The following SYT1 variants were observed in gnomAD, a reference collection of about 807,000 sequenced individuals.
The protein encoded by SYT1 is synaptotagmin 1, also known as synaptotagmin-1.
Under a neutral mutation model 44.8 loss-of-function variants are expected in SYT1, and 8 were observed. The ratio of observed to expected loss-of-function variants is 0.18; its 90% CI spans 0.10 to 0.32. The LOEUF (loss-of-function observed/expected upper bound fraction) is 0.32. Among genes scored for constraint, SYT1 ranks in the 10% least tolerant of loss-of-function variants. SYT1 has a pLI of 1.00. For synonymous variants in SYT1, 154 were observed against 188.8 expected, an observed-to-expected ratio of 0.82 and a Z score of 1.51; for missense variants, 286 against 509.3, an observed-to-expected ratio of 0.56 and a Z score of 4.22.
At chr12:79,118,531 A>T (rs191408344) in intron 3 of SYT1, among the ~76,000 whole-genome samples, 238 of 152,364 alleles carry the variant, frequency 1.6e-3, no homozygotes, top group Admixed American at 3.3e-3. Context: ...AAATGACAGT[A>T]ATCAAGTTTA....
At chr12:79,181,521 C>G (rs1287819383) in intron 3 of SYT1, among the ~76,000 whole-genome samples, 2 of 151,414 alleles carry the variant, frequency 1.3e-5, no homozygotes, top group East Asian at 3.9e-4. Flanking sequence ...TTTTTTCTTC[C>G]AGGGCCCCCA....
chr12:78,935,907 C>T (rs1250125634), intron 1 of SYT1, among the ~76,000 whole-genome samples: 1 of 152,054 alleles, frequency 6.6e-6, no homozygotes, highest in African/African-American at 2.4e-5. Flanking sequence ...AGAGTAAGCA[C>T]AGCTTGATCA....
chr12:79,137,083 T>C (rs182679514), intron 3 of SYT1, among the ~76,000 whole-genome samples: 274 of 152,010 alleles, frequency 1.8e-3, no homozygotes, highest in African/African-American at 6.3e-3. Flanking sequence ...CCAAATACTA[T>C]ACTTGGAACT....
At chr12:79,139,971 G>T (rs951679481) in intron 3 of SYT1, among the ~76,000 whole-genome samples, 1 of 152,144 alleles carries the variant, frequency 6.6e-6, no homozygotes, top group Non-Finnish European at 1.5e-5. Context: ...CCTATAGAAA[G>T]TCCCTGATTT....
chr12:79,202,414 C>T (rs920340699), intron 3 of SYT1, among the ~76,000 whole-genome samples: 7 of 152,102 alleles, frequency 4.6e-5, no homozygotes, highest in African/African-American at 7.2e-5. Flanking sequence ...TTTGTCAAGA[C>T]GAAGGAAAGA....
chr12:78,974,033 A>C (rs1414029935), intron 1 of SYT1, among the ~76,000 whole-genome samples: 14 of 131,856 alleles, frequency 1.1e-4, no homozygotes, highest in African/African-American at 3.4e-4. Flanking sequence ...GAAATGCATC[A>C]TTAGGCATTT....
chr12:79,093,350 A>G (rs1377019678), intron 3 of SYT1, among the ~76,000 whole-genome samples: 1 of 151,798 alleles, frequency 6.6e-6, no homozygotes, highest in Non-Finnish European at 1.5e-5. Flanking sequence ...TAAAGACTTC[A>G]AAATAAAATG....
At chr12:79,046,573 G>T (rs1874076621) in intron 2 of SYT1, 1 of 151,922 alleles carries the variant, frequency 6.6e-6, no homozygotes, top group African/African-American at 2.4e-5. Flanking sequence ...CTTGAGAAGG[G>T]TTTAATTTTT....
intron 3 of SYT1, among the ~76,000 whole-genome samples, chr12:79,213,575 G>A (rs1330449869): frequency 6.6e-6 from 1 of 152,182 alleles, no homozygotes; most frequent in Admixed American, 6.5e-5. Flanking sequence ...ATTTTTTAAA[G>A]ACTGAGTAGA....
intron 9 of SYT1, among the ~76,000 whole-genome samples, chr12:79,365,102 CAG>C (rs1281340828): frequency 1.3e-5 from 2 of 152,084 alleles, no homozygotes; most frequent in African/African-American, 4.8e-5. Flanking sequence ...TCCCATTCCT[CAG>C]AGTTAATTGA....
chr12:79,149,147 C>T (rs1334765881), intron 3 of SYT1, among the ~76,000 whole-genome samples: 1 of 151,870 alleles, frequency 6.6e-6, no homozygotes, highest in African/African-American at 2.4e-5. Flanking sequence ...TATTTTTTTA[C>T]TTTATTTGAC....
At chr12:78,870,347 C>T (rs189648665) in intron 1 of SYT1, among the ~76,000 whole-genome samples, 6 of 151,986 alleles carry the variant, frequency 3.9e-5, no homozygotes, top group Admixed American at 1.3e-4. Context: ...CCTCAAAGAA[C>T]CTATTTCTGT....
chr12:79,231,608 A>G (rs1016230379), intron 4 of SYT1, among the ~76,000 whole-genome samples: 1 of 152,180 alleles, frequency 6.6e-6, no homozygotes, highest in Non-Finnish European at 1.5e-5. Flanking sequence ...AAGAGCCAGG[A>G]TCTTGGGACA....
chr12:79,395,814 A>G (rs1200494261), intron 9 of SYT1, among the ~76,000 whole-genome samples: 1 of 152,242 alleles, frequency 6.6e-6, no homozygotes, highest in East Asian at 1.9e-4. Context: ...AAAGAAGAGA[A>G]AAATTGATTT....
chr12:79,227,121 G>A (rs1449746723), intron 4 of SYT1, among the ~76,000 whole-genome samples: 1 of 152,108 alleles, frequency 6.6e-6, no homozygotes, highest in African/African-American at 2.4e-5. Context: ...ATGGCAAGGA[G>A]TGTGCATGTC....
At chr12:78,956,475 T>C (rs981593426) in intron 1 of SYT1, among the ~76,000 whole-genome samples, 33 of 151,948 alleles carry the variant, frequency 2.2e-4, no homozygotes, top group African/African-American at 7.7e-4. Context: ...TCTCTCTCCC[T>C]ACCCCTGCTA....
chr12:79,419,432 TCA>T, intron 9 of SYT1: 1 of 360,148 alleles, frequency 2.8e-6, no homozygotes, highest in Non-Finnish European at 5.6e-6. Context: ...TCAGGTGGGA[TCA>T]CACTGGCTAA....
At chr12:79,444,331 C>T in intron 10 of SYT1, 125 bp downstream of exon 10, 1 of 1,191,504 alleles carries the variant, frequency 8.4e-7, no homozygotes. Flanking sequence ...TCTTTCTCCC[C>T]ATGCACATTT....
intron 3 of SYT1, among the ~76,000 whole-genome samples, chr12:79,092,340 A>T (rs1877834863): frequency 6.6e-6 from 1 of 151,872 alleles, no homozygotes; most frequent in Non-Finnish European, 1.5e-5. Context: ...TAGAAAGAGA[A>T]TAGATTCTTC....
Sources: gnomAD v4.1 joint callset for allele counts (sites outside exome capture counted in the v4.1 genomes callset) on GRCh38, gnomAD v4.1.1 for gene constraint, MANE v1.5 for transcripts, NCBI Gene and HGNC (gene_info 2026-07-23, HGNC 2026-07-21) for gene names.